Variants in MYO1H observed in about 807,000 individuals in gnomAD.
MYO1H encodes the protein unconventional myosin-Ih.
In MYO1H, 118 loss-of-function variants were observed where a neutral mutation model predicts 149.3. The ratio of observed to expected loss-of-function variants is 0.79; its 90% CI spans 0.68 to 0.92. The LOEUF is 0.92. Among genes scored for constraint, MYO1H ranks in the 40% least tolerant of loss-of-function variants. The pLI is 0.00. For synonymous variants in MYO1H, 447 were observed against 465.2 expected, an observed-to-expected ratio of 0.96 and a Z score of 0.50; for missense variants, 1,212 against 1,280.7, an observed-to-expected ratio of 0.95 and a Z score of 0.82.
chr12:109,336,753 G>A, the MYO1H span, among the ~76,000 whole-genome samples: 4 of 152,136 alleles, frequency 2.6e-5, no homozygotes, highest in Non-Finnish European at 5.9e-5. Flanking sequence ...GATTGGCCAG[G>A]CCTGGGTCAC....
intron 16 of MYO1H, among the ~76,000 whole-genome samples, chr12:109,424,044 G>A (rs1483936368): frequency 6.6e-6 from 1 of 152,220 alleles, no homozygotes; most frequent in East Asian, 1.9e-4. Flanking sequence ...GGACCACACA[G>A]GATGTGCGTA....
At chr12:109,400,942 C>A in intron 5 of MYO1H, 151 bp from the exon 6 acceptor site, 1 of 690,012 alleles carries the variant, frequency 1.4e-6, no homozygotes, top group Non-Finnish European at 2.3e-6. Flanking sequence ...CCAGGAAATA[C>A]TAATGACAGA....
At chr12:109,313,894 C>T in the MYO1H span, among the ~76,000 whole-genome samples, 1 of 151,878 alleles carries the variant, frequency 6.6e-6, no homozygotes, top group Non-Finnish European at 1.5e-5. Flanking sequence ...TTTTGTTTCT[C>T]GTTTTTTTAG....
intron 19 of MYO1H, among the ~76,000 whole-genome samples, chr12:109,431,982 TA>T (rs1164342042): frequency 3.8e-5 from 5 of 131,702 alleles, no homozygotes; most frequent in Admixed American, 7.9e-5. Flanking sequence ...CACACCTGGC[TA>T]AAAAAAAAAT....
intron 8 of MYO1H, among the ~76,000 whole-genome samples, chr12:109,406,505 C>T (rs1870400226): frequency 7.5e-6 from 1 of 133,908 alleles, no homozygotes; most frequent in African/African-American, 2.7e-5. Flanking sequence ...AAAAAATTAG[C>T]TATGAATGGT....
chr12:109,368,650 A>AAAAAG (rs1368204263), intron 1 of MYO1H, among the ~76,000 whole-genome samples: 5 of 151,904 alleles, frequency 3.3e-5, no homozygotes, highest in Non-Finnish European at 7.4e-5. Flanking sequence ...TAAAAAAAAA[A>AAAAAG]AAAAAAAAAA....
At chr12:109,419,064 A>G (rs1320979215) in intron 15 of MYO1H, among the ~76,000 whole-genome samples, 1 of 152,240 alleles carries the variant, frequency 6.6e-6, no homozygotes, top group African/African-American at 2.4e-5. Flanking sequence ...AGAAAGGAAC[A>G]AAAGGAAAAC....
the MYO1H span, among the ~76,000 whole-genome samples, chr12:109,313,545 G>T: frequency 6.6e-6 from 1 of 152,168 alleles, no homozygotes; most frequent in Admixed American, 6.6e-5. Context: ...AATGCTTATT[G>T]TTGTCATATG....
intron 14 of MYO1H, among the ~76,000 whole-genome samples, chr12:109,414,027 G>C (rs750701040): frequency 6.6e-6 from 1 of 152,176 alleles, no homozygotes; most frequent in African/African-American, 2.4e-5. Flanking sequence ...GGCTCAAAGT[G>C]GGGGTTCTCA....
intron 15 of MYO1H, 115 bp from the exon 16 acceptor site, chr12:109,420,866 A>G (rs1391903030): frequency 4.3e-6 from 3 of 700,852 alleles, no homozygotes; most frequent in African/African-American, 3.6e-5. Flanking sequence ...TTGAGAAACT[A>G]TGAGCTAATC....
intron 8 of MYO1H, 67 bp from the exon 9 acceptor site, chr12:109,406,721 TA>T: frequency 2.7e-6 from 4 of 1,488,808 alleles, no homozygotes; most frequent in Non-Finnish European, 3.7e-6. Flanking sequence ...ACCTTGTCTC[TA>T]AAAAAATAAT....
intron 15 of MYO1H, among the ~76,000 whole-genome samples, chr12:109,417,295 C>T (rs1404692367): frequency 1.3e-5 from 2 of 152,200 alleles, no homozygotes. Context: ...AATATCTCCA[C>T]AGCCTCAGCC....
the MYO1H span, among the ~76,000 whole-genome samples, chr12:109,318,160 A>G: frequency 1.3e-5 from 2 of 152,238 alleles, no homozygotes; most frequent in African/African-American, 4.8e-5. Flanking sequence ...TAAAACAAGT[A>G]TCTGTGAGTA....
At chr12:109,381,162 A>G (rs1194268561) in intron 1 of MYO1H, among the ~76,000 whole-genome samples, 1 of 152,218 alleles carries the variant, frequency 6.6e-6, no homozygotes, top group Non-Finnish European at 1.5e-5. Context: ...GAGAAAAGAC[A>G]GATTCAAGGT....
intron 15 of MYO1H, among the ~76,000 whole-genome samples, chr12:109,417,576 C>T (rs1284705561): frequency 1.3e-5 from 2 of 152,104 alleles, no homozygotes; most frequent in African/African-American, 4.8e-5. Context: ...ATGCACCCAC[C>T]TTGGCCTCCC....
intron 7 of MYO1H, 140 bp downstream of exon 7, chr12:109,404,220 G>A: frequency 1.5e-6 from 1 of 654,924 alleles, no homozygotes; most frequent in South Asian, 1.9e-5. Flanking sequence ...GCGCACACCT[G>A]TAATTCCAGC....
chr12:109,399,047 G>T (rs1040395351), intron 5 of MYO1H, among the ~76,000 whole-genome samples: 1 of 152,166 alleles, frequency 6.6e-6, no homozygotes, highest in African/African-American at 2.4e-5. Flanking sequence ...AATGACACAT[G>T]GGGGAGCAGC....
At chr12:109,330,977 G>A in the MYO1H span, among the ~76,000 whole-genome samples, 1 of 152,132 alleles carries the variant, frequency 6.6e-6, no homozygotes, top group East Asian at 1.9e-4. Flanking sequence ...ATGATAATAC[G>A]CAGCAATTTG....
At chr12:109,341,457 C>A in the MYO1H span, among the ~76,000 whole-genome samples, 1 of 152,082 alleles carries the variant, frequency 6.6e-6, no homozygotes, top group Non-Finnish European at 1.5e-5. Flanking sequence ...TGAAGACCAA[C>A]AAAATGAAAA....
Sources: allele counts gnomAD v4.1 joint callset (sites outside exome capture counted in the v4.1 genomes callset), GRCh38; gene constraint gnomAD v4.1.1; transcripts MANE v1.5; gene names NCBI Gene and HGNC (gene_info 2026-07-23, HGNC 2026-07-21).